The following INPP4B variants were observed in gnomAD, a reference collection of about 807,000 sequenced individuals.
INPP4B encodes inositol polyphosphate-4-phosphatase type II B, also known as inositol polyphosphate 4-phosphatase type II.
A neutral mutation model predicts 122.5 loss-of-function variants in INPP4B; 55 were observed. The ratio of observed to expected loss-of-function variants is 0.45; its 90% CI spans 0.36 to 0.56. The LOEUF (loss-of-function observed/expected upper bound fraction) is 0.56, where lower values mean the gene tolerates loss of function less well. Ranked by LOEUF, INPP4B falls within the 20% of genes least tolerant of loss-of-function variation. The pLI is 0.00. For missense variants in INPP4B, 1,000 were observed against 1,097.7 expected, an observed-to-expected ratio of 0.91 and a Z score of 1.26; for synonymous variants, 403 against 388.7, an observed-to-expected ratio of 1.04 and a Z score of -0.43.
chr4:142,547,388 T>G (rs1462714610), intron 2 of INPP4B, among the ~76,000 whole-genome samples: 2 of 152,144 alleles, frequency 1.3e-5, no homozygotes, highest in Admixed American at 1.3e-4. Context: ...TGAAGGATCC[T>G]TCAGCTTCTG....
intron 14 of INPP4B, among the ~76,000 whole-genome samples, chr4:142,204,101 G>A (rs1370939559): frequency 1.3e-5 from 2 of 151,934 alleles, no homozygotes; most frequent in South Asian, 2.1e-4. Flanking sequence ...CACTCAGAGA[G>A]GTCAAATAAC....
At chr4:142,171,848 A>G (rs965615174) in intron 16 of INPP4B, among the ~76,000 whole-genome samples, 6 of 151,794 alleles carry the variant, frequency 4.0e-5, no homozygotes, top group African/African-American at 1.4e-4. Flanking sequence ...CCCACCACCA[A>G]AATCACTGCA....
chr4:142,263,645 T>C (rs1383350419), intron 10 of INPP4B, among the ~76,000 whole-genome samples: 5 of 55,136 alleles, frequency 9.1e-5, no homozygotes, highest in African/African-American at 4.5e-4. Flanking sequence ...GTAAAATATA[T>C]ATATATATAT....
At chr4:142,339,512 A>C (rs1420696202) in intron 7 of INPP4B, among the ~76,000 whole-genome samples, 3 of 152,192 alleles carry the variant, frequency 2.0e-5, no homozygotes, top group Admixed American at 6.5e-5. Flanking sequence ...TTCCCTTTAA[A>C]AGGATAGGTT....
intron 2 of INPP4B, among the ~76,000 whole-genome samples, chr4:142,474,852 T>C (rs1819543225): frequency 6.6e-6 from 1 of 152,162 alleles, no homozygotes; most frequent in Non-Finnish European, 1.5e-5. Context: ...GCCCAGTGGT[T>C]TTACTTTTAC....
At chr4:142,165,487 T>C (rs900977429) in intron 16 of INPP4B, among the ~76,000 whole-genome samples, 1 of 151,770 alleles carries the variant, frequency 6.6e-6, no homozygotes, top group African/African-American at 2.4e-5. Context: ...TGTTAAAATA[T>C]ACACTTCTGA....
At chr4:142,459,289 G>GAAAAA (rs201442354) in intron 3 of INPP4B, among the ~76,000 whole-genome samples, 1 of 97,084 alleles carries the variant, frequency 1.0e-5, no homozygotes. Flanking sequence ...ACAAACAAAT[G>GAAAAA]AAAAAAAAAA....
intron 9 of INPP4B, among the ~76,000 whole-genome samples, chr4:142,291,732 T>G (rs929355943): frequency 1.3e-5 from 2 of 152,244 alleles, no homozygotes; most frequent in African/African-American, 4.8e-5. Context: ...AGAAAGTTCA[T>G]AAAGCTCTAA....
At chr4:142,174,336 G>C (rs1827004449) in intron 15 of INPP4B, among the ~76,000 whole-genome samples, 1 of 152,058 alleles carries the variant, frequency 6.6e-6, no homozygotes, top group East Asian at 1.9e-4. Context: ...TTCATATAAA[G>C]TGCCTAAAAT....
At chr4:142,303,579 C>T (rs935138799) in intron 9 of INPP4B, among the ~76,000 whole-genome samples, 5 of 151,944 alleles carry the variant, frequency 3.3e-5, no homozygotes, top group Non-Finnish European at 7.4e-5. Flanking sequence ...AAGCCATCTA[C>T]CAGAAATCAA....
chr4:142,074,019 C>T (rs1769077896), intron 25 of INPP4B, among the ~76,000 whole-genome samples: 1 of 152,080 alleles, frequency 6.6e-6, no homozygotes, highest in African/African-American at 2.4e-5. Flanking sequence ...AAAAGCTTCA[C>T]ATCATGTCAC....
intron 7 of INPP4B, among the ~76,000 whole-genome samples, chr4:142,338,204 C>G (rs2646088): frequency 0.42 from 63,034 of 151,570 alleles, 14,626 homozygotes; most frequent in Non-Finnish European, 0.53. Flanking sequence ...TGCCATATGA[C>G]AGACTAGCCT....
intron 7 of INPP4B, among the ~76,000 whole-genome samples, chr4:142,342,049 T>A (rs1778871042): frequency 6.6e-6 from 1 of 152,160 alleles, no homozygotes; most frequent in South Asian, 2.1e-4. Context: ...ACATATATGT[T>A]GTGTTAAGCT....
At chr4:142,357,994 A>C (rs780700523) in intron 7 of INPP4B, among the ~76,000 whole-genome samples, 3 of 152,026 alleles carry the variant, frequency 2.0e-5, no homozygotes, top group Non-Finnish European at 2.9e-5. Context: ...TTAAAAGTAA[A>C]ACTAATGTGA....
chr4:142,534,839 TAAG>T (rs1828006726), intron 2 of INPP4B, among the ~76,000 whole-genome samples: 1 of 152,008 alleles, frequency 6.6e-6, no homozygotes, highest in Admixed American at 6.6e-5. Flanking sequence ...TTTTATGACC[TAAG>T]AAGAAAATCT....
At chr4:142,534,915 A>G (rs947925755) in intron 2 of INPP4B, among the ~76,000 whole-genome samples, 14 of 152,266 alleles carry the variant, frequency 9.2e-5, no homozygotes, top group South Asian at 6.2e-4. Context: ...TATTACAGGT[A>G]TAGCACAATT....
intron 2 of INPP4B, among the ~76,000 whole-genome samples, chr4:142,587,706 A>AT (rs1736536396): frequency 6.6e-6 from 1 of 151,990 alleles, no homozygotes; most frequent in Non-Finnish European, 1.5e-5. Flanking sequence ...TCTTTTAGTT[A>AT]TTTTTAAATG....
chr4:142,708,518 C>A (rs1762727344), intron 2 of INPP4B, among the ~76,000 whole-genome samples: 1 of 152,122 alleles, frequency 6.6e-6, no homozygotes. Flanking sequence ...TGTCTGCATC[C>A]CAGCCACTCC....
chr4:142,497,861 T>G (rs1822793878), intron 2 of INPP4B, among the ~76,000 whole-genome samples: 1 of 151,870 alleles, frequency 6.6e-6, no homozygotes, highest in African/African-American at 2.4e-5. Flanking sequence ...TCTACACATC[T>G]GAAACAAGTA....
Sources: allele counts gnomAD v4.1 joint callset (sites outside exome capture counted in the v4.1 genomes callset), GRCh38; gene constraint gnomAD v4.1.1; transcripts MANE v1.5; gene names NCBI Gene and HGNC (gene_info 2026-07-23, HGNC 2026-07-21).